Variants in PHF21B observed in about 807,000 individuals in gnomAD.
The protein encoded by PHF21B is PHD finger protein 21B.
A neutral mutation model predicts 62.2 loss-of-function variants in PHF21B; 22 were observed. The observed-to-expected ratio is 0.35, with a 90% confidence interval of 0.25 to 0.51. The LOEUF (loss-of-function observed/expected upper bound fraction) is 0.51. Among genes scored for constraint, PHF21B ranks in the 20% least tolerant of loss-of-function variants. The pLI is 0.97. For missense variants in PHF21B, 701 were observed against 707.9 expected, an observed-to-expected ratio of 0.99 and a Z score of 0.11; for synonymous variants, 341 against 314.7, an observed-to-expected ratio of 1.08 and a Z score of -0.88.
intron 5 of PHF21B, among the ~76,000 whole-genome samples, chr22:44,896,522 G>T (rs1177201210): frequency 1.3e-5 from 2 of 152,228 alleles, no homozygotes; most frequent in Non-Finnish European, 2.9e-5. Flanking sequence ...ACTTTAAAGA[G>T]CTAAGGTGCA....
intron 2 of PHF21B, among the ~76,000 whole-genome samples, chr22:44,931,724 C>T (rs1289033276): frequency 6.6e-5 from 10 of 151,998 alleles, no homozygotes; most frequent in South Asian, 2.1e-4. Context: ...AACTTCTGCA[C>T]GGAAGTGGCA....
Position 44,896,048 on chromosome 22 carries a change from G to A in PHF21B, c.867C>T (p.Thr289=). The change falls in exon 6 of 13, where the codon ACC becomes ACT. Residue 289 remains threonine (T), a synonymous_variant. Coordinates refer to ENST00000313237, the MANE Select transcript of PHF21B (RefSeq NM_138415.5). ...IAFMVALGLV[T]TEHLEEIQSK... ...CTTCCTTACCTTCCAAATGTTCCGT[G>A]GTAACCAGGCCTAGCGCTACCATGA... 6.2e-7 allele frequency: 1 copy of A among 1,614,140 alleles called. No individual in the cohort carries two copies. The highest frequency in any genetic ancestry group is 8.5e-7 in the Non-Finnish European group (1 of 1,180,026).
chr22:44,909,182 G>A (rs911187247), intron 5 of PHF21B, among the ~76,000 whole-genome samples: 2 of 152,208 alleles, frequency 1.3e-5, no homozygotes, highest in Admixed American at 6.5e-5. Flanking sequence ...CTAAGTCATC[G>A]CATATGTTTA....
chr22:44,965,391 A>G (rs112181122), intron 2 of PHF21B, among the ~76,000 whole-genome samples: 5,939 of 151,434 alleles, frequency 0.039, 341 homozygotes, highest in African/African-American at 0.13. Context: ...ACCTGCACCC[A>G]GTGGAGCTCA....
rs539370366 is a variant in PHF21B, at chr22:44,942,868, G to C, written c.121-22378C>G. ...TGAGTTTCCCCATCTTTATGATGGG[G>C]TGGGGCTGGAGTGGCTGATTCCTGG... On this transcript the variant is annotated intron_variant, in intron 2 of 12. Coordinates refer to ENST00000313237, the MANE Select transcript of PHF21B (RefSeq NM_138415.5). Among the ~76,000 whole-genome samples the C allele has an allele frequency of 2.0e-5, 3 of 152,148 alleles. No homozygotes were observed. In the South Asian group the frequency reaches 6.2e-4, roughly 32 times the overall value.
chr22:44,943,521 T>A (rs1443036368), intron 2 of PHF21B, among the ~76,000 whole-genome samples: 1 of 152,070 alleles, frequency 6.6e-6, no homozygotes, highest in Non-Finnish European at 1.5e-5. Flanking sequence ...CTCAGCTACA[T>A]CTCCGTCTCC....
At chr22:44,943,610 T>C (rs1320540295) in intron 2 of PHF21B, among the ~76,000 whole-genome samples, 1 of 152,066 alleles carries the variant, frequency 6.6e-6, no homozygotes, top group Non-Finnish European at 1.5e-5. Flanking sequence ...CACACCGGGA[T>C]ACTTGACTGC....
intron 5 of PHF21B, among the ~76,000 whole-genome samples, chr22:44,902,900 G>A (rs1222898279): frequency 6.6e-6 from 1 of 152,176 alleles, no homozygotes; most frequent in Non-Finnish European, 1.5e-5. Context: ...TGTAGCAGGT[G>A]GGAAAGGGAT....
In PHF21B at chr22:44,882,926, C is replaced by A; in HGVS notation, c.*160G>T. 1 of 891,552 alleles carries A rather than the reference C, an allele frequency of 1.1e-6. No homozygotes were observed. The allele number at this position is 891,552 out of a possible 1,614,324, so 55.2% of individuals were successfully genotyped here. On this transcript the variant is annotated 3_prime_UTR_variant, in exon 13 of 13. Coordinates refer to ENST00000313237, the MANE Select transcript of PHF21B (RefSeq NM_138415.5). ...GGGCCGCACCCCCACCTGGTCCTGG[C>A]TCTAGGCCTCTCGCCCAGCTCTTCC... is the stretch of plus-strand genomic sequence containing the variant.
intron 2 of PHF21B, among the ~76,000 whole-genome samples, chr22:44,980,732 G>A (rs1363562307): frequency 6.6e-6 from 1 of 152,092 alleles, no homozygotes; most frequent in Non-Finnish European, 1.5e-5. Context: ...TCTCTTCCAA[G>A]GGACAATTAG....
Position 44,889,769 on chromosome 22 carries a change from G to A in PHF21B, c.1029C>T (p.Pro343=), listed in dbSNP as rs1192262412. The A allele has an allele frequency of 6.4e-7, 1 of 1,568,212 alleles. No individual in the cohort carries two copies. Among genetic ancestry groups the A allele is most frequent in the Non-Finnish European group, 8.6e-7 (1 of 1,163,126 alleles). The change falls in exon 9 of 13, where the codon CCC becomes CCT. Residue 343 remains proline (P), a synonymous_variant. Transcript: ENST00000313237. Reference sequence around the variant, plus strand: ...GGGAGGGGACACGTACCTTCCAGCAGGGGTCCTCATTGGCTAGCACAGGGA... The same window carrying A: ...GGGAGGGGACACGTACCTTCCAGCAAGGGTCCTCATTGGCTAGCACAGGGA... The part of the protein sequence containing the change: ...LFLTARANED[P]CWKNEITHDE...
intron 2 of PHF21B, among the ~76,000 whole-genome samples, chr22:44,994,394 G>A (rs1455402117): frequency 6.6e-6 from 1 of 152,168 alleles, no homozygotes; most frequent in Admixed American, 6.5e-5. Context: ...GCAGAGACTG[G>A]AGGGCTGTGT....
chr22:44,961,075 G>A (rs111612243), intron 2 of PHF21B, among the ~76,000 whole-genome samples: 4 of 148,402 alleles, frequency 2.7e-5, no homozygotes, highest in African/African-American at 9.9e-5. Flanking sequence ...TCATGCCTCA[G>A]CCTCCCGAGT....
At chr22:44,887,754 CA>C (rs59049105) in intron 10 of PHF21B, among the ~76,000 whole-genome samples, 5,506 of 72,258 alleles carry the variant, frequency 0.076, 174 homozygotes, top group East Asian at 0.35. Flanking sequence ...GACTCTGTCT[CA>C]AAAAAAAAAA....
At chr22:44,988,272 A>C (rs1425187883) in intron 2 of PHF21B, among the ~76,000 whole-genome samples, 1 of 152,154 alleles carries the variant, frequency 6.6e-6, no homozygotes, top group African/African-American at 2.4e-5. Context: ...CAAGATCATG[A>C]CCTGGGCATC....
rs1652795377 is a variant in PHF21B at position 45,009,055 on chromosome 22, C to T, written c.54+441G>A. On this transcript the variant is annotated intron_variant, in intron 1 of 12. Transcript: ENST00000313237. The surrounding 1 kb of genome is among the most constrained non-coding windows in gnomAD (Gnocchi z 5.9). ...GCGCACGCCGAGCCCCGCTCAGGCT[C>T]CGGCCGCCACGCCGCCGCTCGCCAG... 3 of 1,128,718 alleles carry T rather than the reference C, an allele frequency of 2.7e-6. No individual in the cohort carries two copies. Among genetic ancestry groups the T allele is most frequent in the Non-Finnish European group, 3.3e-6 (3 of 919,312 alleles). The allele number at this position is 1,128,718 out of a possible 1,614,324, so 69.9% of individuals were successfully genotyped here.
At chr22:44,979,528 T>C (rs2072799441) in intron 2 of PHF21B, among the ~76,000 whole-genome samples, 1 of 152,188 alleles carries the variant, frequency 6.6e-6, no homozygotes, top group Non-Finnish European at 1.5e-5. Context: ...GGTTGTCTCA[T>C]GTCTGCCCAG....
At chr22:44,992,741 G>A (rs2073060892) in intron 2 of PHF21B, among the ~76,000 whole-genome samples, 1 of 152,188 alleles carries the variant, frequency 6.6e-6, no homozygotes, top group South Asian at 2.1e-4. Flanking sequence ...GCATAAGAAT[G>A]AGTGATGTGG....
chr22:44,975,118 G>A (rs973842879), intron 2 of PHF21B, among the ~76,000 whole-genome samples: 4 of 152,162 alleles, frequency 2.6e-5, no homozygotes, highest in Non-Finnish European at 4.4e-5. Flanking sequence ...TTGGCTGAGG[G>A]AAGAGAGCAG....
Sources: gnomAD v4.1 joint callset for allele counts (sites outside exome capture counted in the v4.1 genomes callset) on GRCh38, gnomAD v4.1.1 for gene constraint, Gnocchi (gnomAD v3.1) non-coding constraint, MANE v1.5 for transcripts, NCBI Gene and HGNC (gene_info 2026-07-23, HGNC 2026-07-21) for gene names.